Variants in MAPK6 observed in about 807,000 individuals in gnomAD.
MAPK6 encodes mitogen-activated protein kinase 6, also known as ERK-3.
In MAPK6, 19 loss-of-function variants were observed where a neutral mutation model predicts 59.3. That is an observed-to-expected ratio of 0.32 (90% CI 0.22 to 0.47). The LOEUF (loss-of-function observed/expected upper bound fraction) is 0.47. Among genes scored for constraint, MAPK6 ranks in the 20% least tolerant of loss-of-function variants. The pLI is 1.00. For missense variants in MAPK6, 724 were observed against 847.9 expected (o/e 0.85, Z 1.81); for synonymous variants, 316 against 290.3 (o/e 1.09, Z -0.90).
chr15:52,031,025 C>T (rs950387973), intron 1 of MAPK6, among the ~76,000 whole-genome samples: 2 of 151,836 alleles, frequency 1.3e-5, no homozygotes, highest in Admixed American at 1.3e-4. Context: ...AACTCTTGAC[C>T]TCAAAGGATC....
rs1034008502 is a variant in MAPK6 at position 52,066,600 on chromosome 15, C to T, written c.*1600C>T. On this transcript the variant is annotated 3_prime_UTR_variant, in exon 6 of 6. Coordinates refer to ENST00000261845, the MANE Select transcript of MAPK6 (RefSeq NM_002748.4). ...TCTTTCATCCTTGTTTTGTACAACA[C>T]CAATTCTATTAATATCTGCCCACCT... 4.2e-5 allele frequency: 3 copies of T among 70,668 alleles called. No individual in the cohort carries two copies. The highest frequency in any genetic ancestry group is 1.6e-4 in the Non-Finnish European group (3 of 18,454). The allele number at this position is 70,668 out of a possible 1,614,324, so 4.4% of individuals were successfully genotyped here.
At chr15:52,054,672 T>G (rs913378882) in intron 3 of MAPK6, among the ~76,000 whole-genome samples, 2 of 152,078 alleles carry the variant, frequency 1.3e-5, no homozygotes, top group Non-Finnish European at 2.9e-5. Context: ...TGGACCTTTT[T>G]TTTTCATTTT....
At chr15:52,040,328 C>CA (rs2031377765) in intron 1 of MAPK6, among the ~76,000 whole-genome samples, 1 of 152,174 alleles carries the variant, frequency 6.6e-6, no homozygotes, top group South Asian at 2.1e-4. Context: ...CCTGTTAACT[C>CA]AAATTACTCA....
At chr15:51,984,687 G>GT (rs2141810401) in intron 2 of MAPK6, among the ~76,000 whole-genome samples, 1 of 139,972 alleles carries the variant, frequency 7.1e-6, no homozygotes, top group African/African-American at 3.0e-5. Flanking sequence ...CCAGTTCTCC[G>GT]GGGGGGAAGA....
chr15:52,057,635 C>G (rs1452832383), intron 3 of MAPK6, among the ~76,000 whole-genome samples: 1 of 152,126 alleles, frequency 6.6e-6, no homozygotes, highest in Non-Finnish European at 1.5e-5. Flanking sequence ...ACCTCCTCCT[C>G]CAGGGTCCAA....
chr15:52,054,046 T>C (rs1471344380), intron 3 of MAPK6, among the ~76,000 whole-genome samples: 4 of 152,020 alleles, frequency 2.6e-5, no homozygotes, highest in African/African-American at 9.7e-5. Flanking sequence ...GGATGTTTTC[T>C]CCTGTGTTGT....
At chr15:52,057,015 C>T (rs1355762048) in intron 3 of MAPK6, 3 of 152,172 alleles carry the variant, frequency 2.0e-5, no homozygotes, top group African/African-American at 7.2e-5. Context: ...GTTAGCAAAC[C>T]AGTACCTCCA....
chr15:52,049,946 GTTC>G lies in MAPK6; in HGVS notation c.556-43_556-41del, dbSNP rs1401037065. On this transcript the variant is annotated intron_variant, in intron 2 of 5. Transcript: ENST00000261845. The stretch of plus-strand genomic sequence containing the variant: ...ATTCTTTAATCAAGTTGTAAGTACT[GTTC>G]TTCAGCTAAAGTAAAAAAAGTATGT... The G allele has an allele frequency of 2.6e-6, 4 of 1,517,562 alleles. No homozygotes were observed. In the South Asian group the frequency reaches 4.5e-5, roughly 17 times the overall value. The allele number at this position is 1,517,562 out of a possible 1,614,324, so 94.0% of individuals were successfully genotyped here. A position where few individuals can be genotyped will look rare whatever the true frequency, so the allele number is the denominator to read the frequency against.
chr15:52,065,100 T>A lies in MAPK6; in HGVS notation c.*100T>A. On this transcript the variant is annotated 3_prime_UTR_variant, in exon 6 of 6. Transcript: ENST00000261845. ...CATTTTTTACTTGAATCAGATGGTG[T>A]CATTTAGTAAGGATTTTATGAGTTC... 1.8e-6 allele frequency: 2 copies of A among 1,130,332 alleles called. No individual in the cohort carries two copies. Among genetic ancestry groups the A allele is most frequent in the Non-Finnish European group, 2.4e-6 (2 of 818,186 alleles). The allele number at this position is 1,130,332 out of a possible 1,614,324, so 70.0% of individuals were successfully genotyped here. A position where few individuals can be genotyped will look rare whatever the true frequency, so the allele number is the denominator to read the frequency against.
intron 2 of MAPK6, among the ~76,000 whole-genome samples, chr15:51,983,728 G>A (rs923540284): frequency 1.3e-5 from 2 of 151,636 alleles, no homozygotes; most frequent in African/African-American, 4.8e-5. Flanking sequence ...GATCACTTGA[G>A]CCTGGGAGGT....
At chr15:51,998,281 T>C (rs1003118662) in intron 2 of MAPK6, among the ~76,000 whole-genome samples, 2 of 152,022 alleles carry the variant, frequency 1.3e-5, no homozygotes, top group African/African-American at 4.8e-5. Flanking sequence ...CTCGGCTCAC[T>C]GCAACCCCCA....
chr15:52,002,507 G>C (rs1341235051), intron 2 of MAPK6, among the ~76,000 whole-genome samples: 2 of 152,180 alleles, frequency 1.3e-5, no homozygotes, highest in Non-Finnish European at 2.9e-5. Flanking sequence ...ATATTTATTA[G>C]GGAGGGCCCT....
Position 51,974,479 on chromosome 15 carries a change from C to G in MAPK6, c.-880+2573C>G, listed in dbSNP as rs534513144. Among the ~76,000 whole-genome samples the G allele has an allele frequency of 2.0e-5, 3 of 150,492 alleles. No individual in the cohort carries two copies. The East Asian group carries it at 5.9e-4, about 30-fold the overall frequency. Reference sequence around the variant, plus strand: ...AGACCATCCTGGCTAACACAGTGACCCCGTCTCTACTAAAAATATTTAAAA... The same window carrying G: ...AGACCATCCTGGCTAACACAGTGACGCCGTCTCTACTAAAAATATTTAAAA... On this transcript the variant is annotated intron_variant, in intron 1 of 7. Transcript: ENST00000691380.
intron 5 of MAPK6, 64 bp downstream of exon 5, chr15:52,061,564 GTTTT>G: frequency 8.1e-7 from 1 of 1,232,176 alleles, no homozygotes; most frequent in Non-Finnish European, 1.2e-6. Flanking sequence ...TATGTAGTGA[GTTTT>G]TTTAAAATTA....
intron 3 of MAPK6, among the ~76,000 whole-genome samples, chr15:52,053,607 A>G (rs112436108): frequency 9.7e-4 from 2 of 2,062 alleles, no homozygotes; most frequent in East Asian, 0.016. Flanking sequence ...TGATTGGTTG[A>G]TTGATTGATT....
At chr15:51,990,059 G>T (rs1422895656) in intron 2 of MAPK6, among the ~76,000 whole-genome samples, 1 of 152,176 alleles carries the variant, frequency 6.6e-6, no homozygotes, top group Non-Finnish European at 1.5e-5. Context: ...AGATTAATAG[G>T]AACAGCCTGA....
At chr15:52,019,042 C>G (rs781516822), upstream of MAPK6, 9 of 152,298 alleles carry the variant, frequency 5.9e-5, no homozygotes, top group Non-Finnish European at 1.0e-4. Context: ...GGCAAAGCCC[C>G]CAGGAGACGC....
Position 52,067,265 on chromosome 15 carries a change from G to T in MAPK6, c.*2265G>T, listed in dbSNP as rs1307955269. ...AGTCCAAACATAGTCATCAAAGGAAGAAGAAAGTAAAACTGAAACCCCTTA... is the reference window on the plus strand; with the variant it reads ...AGTCCAAACATAGTCATCAAAGGAATAAGAAAGTAAAACTGAAACCCCTTA... On this transcript the variant is annotated 3_prime_UTR_variant, in exon 6 of 6. Transcript: ENST00000261845. 4 of 152,238 alleles carry T rather than the reference G, an allele frequency of 2.6e-5. No homozygotes were observed. Among genetic ancestry groups the T allele is most frequent in the Middle Eastern group, 6.8e-3 (2 of 294 alleles). The allele number at this position is 152,238 out of a possible 1,614,324, so 9.4% of individuals were successfully genotyped here.
At chr15:52,056,255 T>G (rs1251964369) in intron 3 of MAPK6, among the ~76,000 whole-genome samples, 1 of 152,216 alleles carries the variant, frequency 6.6e-6, no homozygotes. Context: ...TTTCCCTCTT[T>G]CCTGCTGTAG....
Sources: gnomAD v4.1 joint callset for allele counts (sites outside exome capture counted in the v4.1 genomes callset) on GRCh38, gnomAD v4.1.1 for gene constraint, MANE v1.5 for transcripts, NCBI Gene and HGNC (gene_info 2026-07-23, HGNC 2026-07-21) for gene names.